The following GPR155 variants were observed in gnomAD, a reference collection of about 807,000 sequenced individuals.
The protein encoded by GPR155 is lysosomal cholesterol signaling protein.
GPR155 carries 65 observed loss-of-function variants against 93.1 expected under a neutral mutation model. The observed-to-expected ratio is 0.70, with a 90% CI of 0.57 to 0.86. The LOEUF (loss-of-function observed/expected upper bound fraction) is 0.86, where lower values mean the gene tolerates loss of function less well. GPR155 is among the 40% of genes least tolerant of loss of function. GPR155 has a pLI of 0.00. For synonymous variants in GPR155, 319 were observed against 360.1 expected, an observed-to-expected ratio of 0.89 and a Z score of 1.29; for missense variants, 838 against 1,034.8, an observed-to-expected ratio of 0.81 and a Z score of 2.61.
intron 2 of GPR155, 80 bp downstream of exon 2, chr2:174,481,417 G>T: frequency 1.2e-6 from 1 of 818,832 alleles, no homozygotes; most frequent in Non-Finnish European, 1.9e-6. Flanking sequence ...AGATATGAGA[G>T]TAAGAATCTG....
rs117913348 is a variant in GPR155 at position 174,446,535 on chromosome 2, T to C, written c.2013+76A>G. 7,571 of 1,416,008 alleles carry C rather than the reference T, an allele frequency of 5.3e-3. 254 individuals carry two copies. The East Asian group carries it at 0.066, about 12-fold the overall frequency. The allele number at this position is 1,416,008 out of a possible 1,614,324, so 87.7% of individuals were successfully genotyped here. A position where few individuals can be genotyped will look rare whatever the true frequency, so the allele number is the denominator to read the frequency against. On this transcript the variant is annotated intron_variant, in intron 12 of 15. Transcript: ENST00000392552. ...TTCTGGAAAGCAGCAACTAAGTTTT[T>C]CCCGGATGCCTGAATAAAACCTTTG...
chr2:174,457,816 C>G (rs58484164), intron 10 of GPR155, among the ~76,000 whole-genome samples: 10,762 of 152,068 alleles, frequency 0.071, 1,229 homozygotes, highest in African/African-American at 0.24. Context: ...TGTGGCGTGA[C>G]CATGGCTCAC....
chr2:174,473,389 T>C (rs1284253646), intron 2 of GPR155, 25 bp from the exon 3 acceptor site: 7 of 1,436,290 alleles, frequency 4.9e-6, no homozygotes, highest in Non-Finnish European at 6.7e-6. Context: ...TATTGATTTT[T>C]AAATGATGAC....
In GPR155 at chr2:174,436,373, G is replaced by T. The variant is rs1314936184; in HGVS notation, c.2356C>A (p.Leu786Met). 56 of 1,614,106 alleles carry T rather than the reference G, an allele frequency of 3.5e-5. 1 individual carries two copies. In the East Asian group the frequency reaches 1.2e-3, roughly 35 times the overall value. ...TSAGTFCGCD[L>M]VSWLIEVGLA... Reference sequence around the variant, plus strand: ...CCGACTTCAATTAGCCAGCTCACCAGGTCACAGCCACAGAAAGTTCCAGCA... The same window carrying T: ...CCGACTTCAATTAGCCAGCTCACCATGTCACAGCCACAGAAAGTTCCAGCA... The change falls in exon 16 of 16, where the codon CTG becomes ATG. Residue 786 changes from leucine (L) to methionine (M), a missense_variant. Transcript: ENST00000392552.
At chr2:174,455,624 G>A (rs549714868) in intron 10 of GPR155, among the ~76,000 whole-genome samples, 7 of 152,270 alleles carry the variant, frequency 4.6e-5, no homozygotes, top group Non-Finnish European at 1.0e-4. Context: ...GTCGGGAGAT[G>A]GGAGGTCAGG....
intron 11 of GPR155, among the ~76,000 whole-genome samples, chr2:174,448,113 C>T (rs1530760): frequency 0.066 from 10,084 of 152,202 alleles, 434 homozygotes; most frequent in Middle Eastern, 0.16. Flanking sequence ...CGGTGGCTCA[C>T]GCCTGTAATC....
chr2:174,443,090 C>T (rs1217880663), intron 13 of GPR155, among the ~76,000 whole-genome samples: 1 of 152,128 alleles, frequency 6.6e-6, no homozygotes, highest in African/African-American at 2.4e-5. Flanking sequence ...CTAAGTCAGA[C>T]TATGATTTTT....
intron 14 of GPR155, among the ~76,000 whole-genome samples, chr2:174,441,363 T>G (rs188337545): frequency 1.3e-5 from 2 of 151,810 alleles, no homozygotes; most frequent in Non-Finnish European, 2.9e-5. Flanking sequence ...AAGCCTAGGA[T>G]AGGGGCATCA....
At chr2:174,454,790 A>AAGGAAGGG (rs1687453647) in intron 10 of GPR155, among the ~76,000 whole-genome samples, 2 of 135,352 alleles carry the variant, frequency 1.5e-5, no homozygotes, top group African/African-American at 6.3e-5. Flanking sequence ...AAAGGGAAGG[A>AAGGAAGGG]AAGGGAAGGA....
Position 174,481,755 on chromosome 2 carries a change from T to A in GPR155, c.202A>T (p.Thr68Ser). ...IAGRANVITSTQAKGLGNFVS... is the reference protein window; with the variant it reads ...IAGRANVITSSQAKGLGNFVS... ...AAATTTCCTAGTCCTTTGGCCTGGG[T>A]TGATGTTATGACATTGGCCCTTCCT... is the stretch of plus-strand genomic sequence containing the variant. Residue 68 changes from threonine to serine, a missense_variant, in exon 2 of 16, where the codon ACC (threonine) becomes TCC (serine). Thr to Ser is a moderately conservative substitution (Grantham distance 58). Transcript: ENST00000392552. The A allele has an allele frequency of 6.2e-7, 1 of 1,614,156 alleles. No homozygotes were observed. The highest frequency in any genetic ancestry group is 8.5e-7 in the Non-Finnish European group (1 of 1,179,988).
intron 9 of GPR155, among the ~76,000 whole-genome samples, chr2:174,460,610 A>G (rs1687662201): frequency 6.6e-6 from 1 of 152,170 alleles, no homozygotes; most frequent in African/African-American, 2.4e-5. Flanking sequence ...AAGGTTTTAG[A>G]TGCTTCTTTC....
At chr2:174,470,655 G>T in intron 3 of GPR155, 100 bp from the exon 4 acceptor site, 1 of 939,792 alleles carries the variant, frequency 1.1e-6, no homozygotes, top group Non-Finnish European at 1.6e-6. Context: ...CTCCTGCCCA[G>T]AAGGTATGTC....
intron 4 of GPR155, among the ~76,000 whole-genome samples, chr2:174,469,554 C>A (rs1559114272): frequency 6.6e-6 from 1 of 152,166 alleles, no homozygotes; most frequent in African/African-American, 2.4e-5. Flanking sequence ...ATACCATTTA[C>A]AATACATTTA....
At position 174,446,689 on chromosome 2, in the gene GPR155, T is replaced by A; in HGVS notation, c.1935A>T (p.Glu645Asp). The A allele has an allele frequency of 1.2e-6, 2 of 1,613,880 alleles. No homozygotes were observed. Among genetic ancestry groups the A allele is most frequent in the East Asian group, 2.2e-5 (1 of 44,882 alleles). The change falls in exon 12 of 16, where the codon GAA becomes GAT. Residue 645 changes from glutamate (E) to aspartate (D), a missense_variant. Glu to Asp is a conservative substitution (Grantham distance 45, BLOSUM62 2). Transcript: ENST00000392552. ...GCTGGTCTCCACTCTGTAGATACTG[T>A]TCTTCTTCCTGGGCTAATATGCAGC... is the stretch of plus-strand genomic sequence containing the variant. ...SQSCILAQEE[E>D]QYLQSGDQQL...
At chr2:174,436,710 T>C (rs1686795424) in intron 15 of GPR155, among the ~76,000 whole-genome samples, 1 of 152,264 alleles carries the variant, frequency 6.6e-6, no homozygotes, top group South Asian at 2.1e-4. Flanking sequence ...ATACTTTTTA[T>C]AGTAGCCTGT....
At chr2:174,464,422 A>T (rs886896100) in intron 7 of GPR155, among the ~76,000 whole-genome samples, 3 of 152,166 alleles carry the variant, frequency 2.0e-5, no homozygotes, top group Admixed American at 1.3e-4. Context: ...AATTGTGAGG[A>T]TGGTATGAAA....
chr2:174,483,625 C>T (rs1559123179), intron 1 of GPR155, among the ~76,000 whole-genome samples: 1 of 151,762 alleles, frequency 6.6e-6, no homozygotes. Context: ...GTTCTTGTTG[C>T]CCAGGCTGGA....
chr2:174,453,771 G>A lies in GPR155; in HGVS notation c.1842C>T (p.Ser614=). 6.2e-7 allele frequency: 1 copy of A among 1,613,114 alleles called. No homozygotes were observed. The highest frequency in any genetic ancestry group is 8.5e-7 in the Non-Finnish European group (1 of 1,179,252). The change falls in exon 11 of 16, where the codon AGC becomes AGT. Residue 614 remains serine, a synonymous_variant. Transcript: ENST00000392552. ...CPSIEPIANT[S]TSEPVIPSFE... ...ACGAAGGAATCACAGGCTCACTGGT[G>A]CTTGTGTTTGCTATTGGCTCTATTG... is the stretch of plus-strand genomic sequence containing the variant.
At chr2:174,476,963 C>A (rs1688185165) in intron 2 of GPR155, among the ~76,000 whole-genome samples, 1 of 152,148 alleles carries the variant, frequency 6.6e-6, no homozygotes, top group South Asian at 2.1e-4. Context: ...TTCTAAGTTC[C>A]TTGAAAGCAT....
Sources: gnomAD v4.1 joint callset for allele counts (sites outside exome capture counted in the v4.1 genomes callset) on GRCh38, gnomAD v4.1.1 for gene constraint, MANE v1.5 for transcripts, NCBI Gene and HGNC (gene_info 2026-07-23, HGNC 2026-07-21) for gene names.